Variants in GSK3B observed in about 807,000 individuals in gnomAD.
GSK3B encodes glycogen synthase kinase-3 beta.
In GSK3B, 15 loss-of-function variants were observed where a neutral mutation model predicts 56.4. That is an observed-to-expected ratio of 0.27 (90% CI 0.18 to 0.41). The LOEUF (loss-of-function observed/expected upper bound fraction) is 0.41, where lower values mean the gene tolerates loss of function less well. Among genes scored for constraint, GSK3B ranks in the 10% least tolerant of loss-of-function variants. GSK3B has a pLI of 1.00. For synonymous variants in GSK3B, 181 were observed against 188.9 expected, an observed-to-expected ratio of 0.96 and a Z score of 0.34; for missense variants, 300 against 513.4, an observed-to-expected ratio of 0.58 and a Z score of 4.02.
chr3:119,870,923 A>C (rs2056243034), intron 8 of GSK3B, among the ~76,000 whole-genome samples: 1 of 152,212 alleles, frequency 6.6e-6, no homozygotes, highest in African/African-American at 2.4e-5. Flanking sequence ...TGAGTAATGC[A>C]GAGAGACCAG....
intron 2 of GSK3B, among the ~76,000 whole-genome samples, chr3:119,995,277 T>C (rs1187976114): frequency 6.6e-6 from 1 of 151,856 alleles, no homozygotes; most frequent in Non-Finnish European, 1.5e-5. Flanking sequence ...AAGGCTGCAG[T>C]AGCCGTGACT....
chr3:119,969,894 G>A (rs1345358320), intron 2 of GSK3B, among the ~76,000 whole-genome samples: 4 of 152,162 alleles, frequency 2.6e-5, no homozygotes, highest in Admixed American at 6.6e-5. Context: ...TCTGAGTAGC[G>A]TGGTGAAATC....
chr3:120,043,225 C>T (rs879494181), intron 1 of GSK3B, among the ~76,000 whole-genome samples: 1 of 152,074 alleles, frequency 6.6e-6, no homozygotes. Context: ...AAAGGATGGA[C>T]CCATCACACC....
chr3:119,970,841 T>C lies in GSK3B; in HGVS notation c.283-23490A>G, dbSNP rs1438900490. On this transcript the variant is annotated intron_variant, in intron 2 of 10. Coordinates refer to ENST00000264235, the MANE Select transcript of GSK3B (RefSeq NM_001146156.2). The stretch of plus-strand genomic sequence containing the variant: ...AAAAAATAAAAAACAAAAACAATCA[T>C]CACTTACTGTTCTGGAGCATCATGA... Among the ~76,000 whole-genome samples the C allele has an allele frequency of 2.6e-5, 4 of 151,888 alleles. No individual in the cohort carries two copies. In the East Asian group the frequency reaches 7.7e-4, roughly 29 times the overall value.
chr3:120,046,183 C>T (rs1005595810), intron 1 of GSK3B, among the ~76,000 whole-genome samples: 26 of 152,054 alleles, frequency 1.7e-4, no homozygotes, highest in African/African-American at 6.0e-4. Context: ...ACACTGTAAT[C>T]GTGGATACAT....
At chr3:119,937,612 G>A (rs1210848619) in intron 3 of GSK3B, among the ~76,000 whole-genome samples, 2 of 151,936 alleles carry the variant, frequency 1.3e-5, no homozygotes, top group South Asian at 2.1e-4. Context: ...CAAGACTTAC[G>A]GGATGCAGCA....
chr3:120,085,227 G>A (rs1273461548), intron 1 of GSK3B, among the ~76,000 whole-genome samples: 1 of 152,168 alleles, frequency 6.6e-6, no homozygotes, highest in Non-Finnish European at 1.5e-5. Context: ...CATATATTAT[G>A]AGAATATGAT....
intron 3 of GSK3B, among the ~76,000 whole-genome samples, chr3:119,936,246 C>T (rs1360454050): frequency 6.7e-6 from 1 of 149,138 alleles, no homozygotes; most frequent in East Asian, 2.0e-4. Context: ...GAGACTCTAG[C>T]CAGAACGGTG....
chr3:120,015,965 A>C (rs565096699), intron 1 of GSK3B, among the ~76,000 whole-genome samples: 1 of 152,310 alleles, frequency 6.6e-6, no homozygotes, highest in South Asian at 2.1e-4. Flanking sequence ...AGCAGCCAAA[A>C]CAAATGACTC....
chr3:120,089,764 T>TA (rs2058495776), intron 1 of GSK3B, among the ~76,000 whole-genome samples: 1 of 152,208 alleles, frequency 6.6e-6, no homozygotes, highest in Admixed American at 6.5e-5. Context: ...AACAGTCCCT[T>TA]ACTTTCCCTA....
intron 7 of GSK3B, among the ~76,000 whole-genome samples, chr3:119,889,445 C>T (rs1559824258): frequency 2.0e-5 from 3 of 152,120 alleles, no homozygotes; most frequent in Non-Finnish European, 2.9e-5. Context: ...GAAATACTGT[C>T]ACACGGTTCT....
chr3:119,877,933 GA>G (rs1485856000), intron 7 of GSK3B, among the ~76,000 whole-genome samples: 2 of 152,058 alleles, frequency 1.3e-5, no homozygotes, highest in Non-Finnish European at 2.9e-5. Flanking sequence ...CAAATTTATT[GA>G]AATAAAATAT....
chr3:119,900,624 T>C (rs2056615427), intron 7 of GSK3B, among the ~76,000 whole-genome samples: 2 of 152,148 alleles, frequency 1.3e-5, no homozygotes. Flanking sequence ...CTGTCATTTA[T>C]GTAAGAAAGT....
Position 119,822,243 on chromosome 3 carries a change from T to TTATA in GSK3B, c.*4541_*4544dup, listed in dbSNP as rs71156775. On this transcript the variant is annotated 3_prime_UTR_variant, in exon 11 of 11. Coordinates refer to ENST00000264235, the MANE Select transcript of GSK3B (RefSeq NM_001146156.2). ...TAGTTTGTATACAACCCACAGTCCTTTATATATATATATATATATATATAA... is the reference window on the plus strand; with the variant it reads ...TAGTTTGTATACAACCCACAGTCCTTTATATATATATATATATATATATATATAA... 789 of 158,368 alleles carry TTATA rather than the reference T, an allele frequency of 5.0e-3. 5 individuals carry two copies. Among genetic ancestry groups the TTATA allele is most frequent in the African/African-American group, 8.2e-3 (324 of 39,652 alleles). 9.8% of individuals were successfully genotyped at this position (158,368 alleles called of 1,614,324 possible).
rs369393198 is a variant in GSK3B, at chr3:120,016,024, C to T, written c.89-13785G>A. On this transcript the variant is annotated intron_variant, in intron 1 of 10. Coordinates refer to ENST00000264235, the MANE Select transcript of GSK3B (RefSeq NM_001146156.2). ...TATGGGTGGGAAATTTACTCTGTTC[C>T]TAACCCTTTTCCAAATAATTCTGGT... Among the ~76,000 whole-genome samples, 34 of 152,306 alleles carry T rather than the reference C, an allele frequency of 2.2e-4. No homozygotes were observed. In the East Asian group the frequency reaches 4.8e-3, roughly 22 times the overall value.
intron 1 of GSK3B, 31 bp from the exon 2 acceptor site, chr3:120,002,270 G>T: frequency 7.3e-7 from 1 of 1,368,564 alleles, no homozygotes; most frequent in Non-Finnish European, 9.8e-7. Context: ...TTTTTTTCAC[G>T]AGAACTGTAA....
chr3:119,968,278 C>T (rs1355217282), intron 2 of GSK3B, among the ~76,000 whole-genome samples: 1 of 152,162 alleles, frequency 6.6e-6, no homozygotes, highest in East Asian at 1.9e-4. Flanking sequence ...AAGTGTGAGC[C>T]ACCACACCCA....
chr3:120,068,569 G>A (rs770854249), intron 1 of GSK3B, among the ~76,000 whole-genome samples: 1 of 143,822 alleles, frequency 7.0e-6, no homozygotes, highest in Non-Finnish European at 1.5e-5. Flanking sequence ...GTATGTTGGC[G>A]CACACCTGTA....
chr3:119,958,187 C>T (rs2057232775), intron 2 of GSK3B, among the ~76,000 whole-genome samples: 1 of 152,122 alleles, frequency 6.6e-6, no homozygotes, highest in Admixed American at 6.6e-5. Flanking sequence ...GAAGAAGGTG[C>T]CTGCTTTCTT....
Sources: gnomAD v4.1 joint callset for allele counts (sites outside exome capture counted in the v4.1 genomes callset) on GRCh38, gnomAD v4.1.1 for gene constraint, MANE v1.5 for transcripts, NCBI Gene and HGNC (gene_info 2026-07-23, HGNC 2026-07-21) for gene names.